PPP1R9A: variants seen among roughly 807,000 people sequenced by gnomAD.
PPP1R9A encodes the protein protein phosphatase 1 regulatory subunit 9A.
PPP1R9A carries 59 observed loss-of-function variants against 141.9 expected under a neutral mutation model. The observed-to-expected ratio is 0.42, with a 90% confidence interval of 0.34 to 0.52. PPP1R9A has a LOEUF of 0.52. PPP1R9A is among the 20% of genes least tolerant of loss of function. PPP1R9A has a pLI of 0.10. For missense variants in PPP1R9A, 1,444 were observed against 1,611.9 expected (o/e 0.90, Z 1.78); for synonymous variants, 500 against 569.7 (o/e 0.88, Z 1.74).
intron 2 of PPP1R9A, among the ~76,000 whole-genome samples, chr7:94,973,870 G>A (rs1799141354): frequency 6.6e-6 from 1 of 151,786 alleles, no homozygotes; most frequent in Non-Finnish European, 1.5e-5. Context: ...GGCGCATGCT[G>A]TCACATCCAG....
At chr7:95,259,300 T>C (rs1437249704) in intron 12 of PPP1R9A, among the ~76,000 whole-genome samples, 1 of 151,764 alleles carries the variant, frequency 6.6e-6, no homozygotes, top group Non-Finnish European at 1.5e-5. Context: ...TTTTTTTTTC[T>C]TTCTTCATAT....
At position 95,195,073 on chromosome 7, in the gene PPP1R9A, A is replaced by G. The variant is rs560542530; in HGVS notation, c.1755-3276A>G. Reference sequence around the variant, plus strand: ...GTAATCAGAGAAGTGTGTTATTAGCATATGATGTTGAAACAATTCATTATC... The same window carrying G: ...GTAATCAGAGAAGTGTGTTATTAGCGTATGATGTTGAAACAATTCATTATC... On this transcript the variant is annotated intron_variant, in intron 5 of 19. Coordinates refer to ENST00000433360, the MANE Select transcript of PPP1R9A (RefSeq NM_001166160.2). 3.9e-5 allele frequency among the ~76,000 whole-genome samples: 6 copies of G among 152,282 alleles called. No individual in the cohort carries two copies. The South Asian group carries it at 1.2e-3, about 32-fold the overall frequency.
At chr7:95,103,890 T>C (rs1330460755) in intron 2 of PPP1R9A, among the ~76,000 whole-genome samples, 1 of 152,210 alleles carries the variant, frequency 6.6e-6, no homozygotes, top group Non-Finnish European at 1.5e-5. Context: ...ATATTGTCTA[T>C]AATTTAAAGT....
intron 14 of PPP1R9A, among the ~76,000 whole-genome samples, chr7:95,273,271 A>G (rs1021606292): frequency 2.0e-5 from 3 of 152,192 alleles, no homozygotes; most frequent in Non-Finnish European, 4.4e-5. Flanking sequence ...AACTATTAAG[A>G]AGGCCCTTTC....
At chr7:95,063,556 CTT>C (rs999964321) in intron 2 of PPP1R9A, among the ~76,000 whole-genome samples, 1 of 151,978 alleles carries the variant, frequency 6.6e-6, no homozygotes, top group Non-Finnish European at 1.5e-5. Flanking sequence ...CAGAGCAAGA[CTT>C]TTTTAAAAAA....
chr7:95,057,851 C>T (rs1194030843), intron 2 of PPP1R9A, among the ~76,000 whole-genome samples: 2 of 152,108 alleles, frequency 1.3e-5, no homozygotes, highest in African/African-American at 4.8e-5. Flanking sequence ...ATTTGTTTCA[C>T]TTACTTCCTC....
At chr7:94,938,802 C>G (rs968256895) in intron 2 of PPP1R9A, among the ~76,000 whole-genome samples, 3 of 152,138 alleles carry the variant, frequency 2.0e-5, no homozygotes, top group African/African-American at 7.2e-5. Context: ...TGGTTCTCCT[C>G]TAAGTTCCTT....
chr7:95,037,238 T>C (rs773577252), intron 2 of PPP1R9A: 18 of 152,154 alleles, frequency 1.2e-4, no homozygotes, highest in Non-Finnish European at 2.5e-4. Context: ...TTGGAAAATT[T>C]CCATTATTAG....
chr7:95,172,414 A>G (rs1240145557), intron 5 of PPP1R9A, among the ~76,000 whole-genome samples: 1 of 151,818 alleles, frequency 6.6e-6, no homozygotes, highest in Non-Finnish European at 1.5e-5. Context: ...GAGTCCAATC[A>G]TGTTATAGAA....
chr7:94,922,079 AT>A (rs1301152816), intron 2 of PPP1R9A, among the ~76,000 whole-genome samples: 2 of 149,684 alleles, frequency 1.3e-5, no homozygotes, highest in East Asian at 1.9e-4. Context: ...TCCTAAAAAA[AT>A]ATAATTTTAT....
At chr7:95,023,674 C>G (rs1006033035) in intron 2 of PPP1R9A, among the ~76,000 whole-genome samples, 2 of 152,114 alleles carry the variant, frequency 1.3e-5, no homozygotes, top group African/African-American at 4.8e-5. Context: ...CTGCCTCCTT[C>G]CTGAGTAGCT....
chr7:95,288,472 A>C, intron 18 of PPP1R9A, 64 bp from the exon 19 acceptor site: 1 of 1,547,398 alleles, frequency 6.5e-7, no homozygotes, highest in Non-Finnish European at 8.7e-7. Flanking sequence ...ATTCCTTTTG[A>C]TAGCATAATA....
Position 95,290,468 on chromosome 7 carries a change from T to G in PPP1R9A, c.*165T>G, listed in dbSNP as rs1162475592. The stretch of plus-strand genomic sequence containing the variant: ...AATAACTGCATTTTCTGCAATAGAA[T>G]GCACTCTTAATTTTAACTACTAAAA... On this transcript the variant is annotated 3_prime_UTR_variant, in exon 20 of 20. Transcript: ENST00000433360. 1.3e-6 allele frequency: 1 copy of G among 749,624 alleles called. No individual in the cohort carries two copies. Among genetic ancestry groups the G allele is most frequent in the African/African-American group, 1.8e-5 (1 of 56,578 alleles). The allele number at this position is 749,624 out of a possible 1,614,324, so 46.4% of individuals were successfully genotyped here.
intron 2 of PPP1R9A, among the ~76,000 whole-genome samples, chr7:95,037,707 G>GCA (rs1563152099): frequency 5.3e-5 from 8 of 151,988 alleles, no homozygotes; most frequent in Middle Eastern, 3.2e-3. Flanking sequence ...GTGCGTGCGC[G>GCA]CGTGTGTGTG....
intron 2 of PPP1R9A, among the ~76,000 whole-genome samples, chr7:94,934,825 T>C (rs1319429426): frequency 6.6e-6 from 1 of 151,218 alleles, no homozygotes; most frequent in Non-Finnish European, 1.5e-5. Context: ...TATACACACA[T>C]ACATGTATAT....
At position 95,089,884 on chromosome 7, in the gene PPP1R9A, A is replaced by G. The variant is rs143442081; in HGVS notation, c.1396-21375A>G. 3.7e-3 allele frequency among the ~76,000 whole-genome samples: 564 copies of G among 152,086 alleles called. 12 individuals are homozygous for G. The highest frequency in any genetic ancestry group is 0.013 in the African/African-American group (529 of 41,374). On this transcript the variant is annotated intron_variant, in intron 2 of 19. Coordinates refer to ENST00000433360, the MANE Select transcript of PPP1R9A (RefSeq NM_001166160.2). ...ATTATTCCACACAAACACACATACTAAAAAAGCCATTGTGAACTAAGCTCA... is the reference window on the plus strand; with the variant it reads ...ATTATTCCACACAAACACACATACTGAAAAAGCCATTGTGAACTAAGCTCA...
intron 2 of PPP1R9A, among the ~76,000 whole-genome samples, chr7:94,934,375 T>C (rs1794513749): frequency 6.6e-6 from 1 of 152,198 alleles, no homozygotes. Flanking sequence ...TTTCATCTCC[T>C]TTAATGTGAC....
intron 2 of PPP1R9A, among the ~76,000 whole-genome samples, chr7:95,082,642 A>G (rs1201009033): frequency 9.9e-5 from 15 of 151,512 alleles, no homozygotes; most frequent in Admixed American, 8.5e-4. Context: ...TGGGAGGCTG[A>G]GGTGGGAGGA....
At chr7:95,275,342 A>T (rs1802961927) in intron 16 of PPP1R9A, among the ~76,000 whole-genome samples, 1 of 146,264 alleles carries the variant, frequency 6.8e-6, no homozygotes, top group South Asian at 2.3e-4. Flanking sequence ...CGGGAGGCGG[A>T]GGTTTGAGTG....
Sources: gnomAD v4.1 joint callset for allele counts (sites outside exome capture counted in the v4.1 genomes callset) on GRCh38, gnomAD v4.1.1 for gene constraint, MANE v1.5 for transcripts, NCBI Gene and HGNC (gene_info 2026-07-23, HGNC 2026-07-21) for gene names.